TRAPPC9: variants seen among roughly 807,000 people sequenced by gnomAD.
TRAPPC9 encodes the protein trafficking protein particle complex subunit 9.
A neutral mutation model predicts 124.0 loss-of-function variants in TRAPPC9; 83 were observed. The observed-to-expected ratio is 0.67, with a 90% CI of 0.56 to 0.80. The LOEUF is 0.80. Among genes scored for constraint, TRAPPC9 ranks in the 30% least tolerant of loss-of-function variants. TRAPPC9 has a pLI of 0.00. For synonymous variants in TRAPPC9, 638 were observed against 617.5 expected (o/e 1.03, Z -0.49); for missense variants, 1,302 against 1,508.3 (o/e 0.86, Z 2.27).
chr8:140,197,065 T>C (rs1214127488), intron 17 of TRAPPC9, among the ~76,000 whole-genome samples: 3 of 152,174 alleles, frequency 2.0e-5, no homozygotes, highest in African/African-American at 7.2e-5. Flanking sequence ...GAGTGCATCA[T>C]AGATGAATGC....
At chr8:139,769,942 G>T (rs1187434745) in intron 21 of TRAPPC9, among the ~76,000 whole-genome samples, 1 of 152,214 alleles carries the variant, frequency 6.6e-6, no homozygotes, top group Non-Finnish European at 1.5e-5. Context: ...TGACACTTGT[G>T]ACCCTAGCTC....
chr8:140,275,968 T>C, intron 14 of TRAPPC9, 147 bp from the exon 15 acceptor site: 1 of 674,714 alleles, frequency 1.5e-6, no homozygotes, highest in Non-Finnish European at 2.6e-6. Context: ...TGGAGTTCAG[T>C]ATCCAGCTCT....
In TRAPPC9 at chr8:139,729,907, C is replaced by G. The variant is rs1171824038; in HGVS notation, c.*1154G>C. On this transcript the variant is annotated 3_prime_UTR_variant, in exon 23 of 23. Transcript: ENST00000438773. The stretch of plus-strand genomic sequence containing the variant: ...GACGAGCCTGGTATCTGCTGGGGAC[C>G]AAGGGCTGTTTATCCTCCCTGGGAC... 1.3e-5 allele frequency among the ~76,000 whole-genome samples: 2 copies of G among 152,172 alleles called. No individual in the cohort carries two copies. The highest frequency in any genetic ancestry group is 4.8e-5 in the African/African-American group (2 of 41,450).
intron 15 of TRAPPC9, among the ~76,000 whole-genome samples, chr8:140,253,546 C>CG: frequency 6.6e-6 from 1 of 152,154 alleles, no homozygotes; most frequent in African/African-American, 2.4e-5. Flanking sequence ...AGTGTGGCAG[C>CG]GCGCCTCTGT....
chr8:139,861,720 C>T (rs1185097148), intron 21 of TRAPPC9, among the ~76,000 whole-genome samples: 1 of 152,058 alleles, frequency 6.6e-6, no homozygotes, highest in African/African-American at 2.4e-5. Context: ...GCTATGGAGC[C>T]CACAAATCGA....
In TRAPPC9 at chr8:140,374,712, G is replaced by C. The variant is rs145037707; in HGVS notation, c.1135-3532C>G. ...TGATCAAAGATGTTGGGGCAGAGAAGGGGGCAGAGAAGACGAATACTGATC... is the reference window on the plus strand; with the variant it reads ...TGATCAAAGATGTTGGGGCAGAGAACGGGGCAGAGAAGACGAATACTGATC... On this transcript the variant is annotated intron_variant, in intron 7 of 22. Coordinates refer to ENST00000438773, the MANE Select transcript of TRAPPC9 (RefSeq NM_001160372.4). Among the ~76,000 whole-genome samples, 4 of 152,238 alleles carry C rather than the reference G, an allele frequency of 2.6e-5. No individual in the cohort carries two copies. The East Asian group carries it at 7.7e-4, about 29-fold the overall frequency.
At chr8:140,033,667 T>G (rs967534155) in intron 17 of TRAPPC9, among the ~76,000 whole-genome samples, 5 of 68,516 alleles carry the variant, frequency 7.3e-5, no homozygotes, top group Non-Finnish European at 1.0e-4. Context: ...GGTTTTTTTT[T>G]TTTTTTTTTT....
At chr8:140,000,126 T>C (rs924747185) in intron 18 of TRAPPC9, among the ~76,000 whole-genome samples, 1 of 152,164 alleles carries the variant, frequency 6.6e-6, no homozygotes, top group Non-Finnish European at 1.5e-5. Context: ...AAACAAGCAA[T>C]GGTAAAAGGA....
At chr8:140,394,297 T>C (rs888559435) in intron 7 of TRAPPC9, among the ~76,000 whole-genome samples, 1 of 152,090 alleles carries the variant, frequency 6.6e-6, no homozygotes, top group African/African-American at 2.4e-5. Flanking sequence ...AAAAGCACAG[T>C]CCACCCTCCA....
intron 17 of TRAPPC9, among the ~76,000 whole-genome samples, chr8:140,071,272 G>T (rs6986792): frequency 0.11 from 16,027 of 152,190 alleles, 1,190 homozygotes; most frequent in African/African-American, 0.21. Flanking sequence ...ACTGCTGGAG[G>T]CCAGGAACCT....
chr8:140,326,438 C>T (rs562150249), intron 9 of TRAPPC9, among the ~76,000 whole-genome samples: 5 of 152,154 alleles, frequency 3.3e-5, no homozygotes, highest in South Asian at 4.2e-4. Context: ...TGCTTTACAT[C>T]CCCCCACCAT....
At chr8:139,932,826 C>CA (rs1833273169) in intron 19 of TRAPPC9, 2 of 314,948 alleles carry the variant, frequency 6.4e-6, no homozygotes, top group Non-Finnish European at 1.2e-5. Flanking sequence ...CTCTCGTTGA[C>CA]ATGTAATGTA....
chr8:139,946,397 G>A lies in TRAPPC9; in HGVS notation c.2811-36097C>T, dbSNP rs182557581. Among the ~76,000 whole-genome samples the A allele has an allele frequency of 1.7e-4, 26 of 152,290 alleles. No individual in the cohort carries two copies. The South Asian group carries it at 4.4e-3, about 25-fold the overall frequency. On this transcript the variant is annotated intron_variant, in intron 19 of 22. Coordinates refer to ENST00000438773, the MANE Select transcript of TRAPPC9 (RefSeq NM_001160372.4). ...ATGGCCAGGTGTGTTAGAAGCCCTC[G>A]TCAATGGCTGGTATATAGCAGGCGC...
chr8:140,372,042 G>C (rs2068297339), intron 7 of TRAPPC9, among the ~76,000 whole-genome samples: 1 of 152,188 alleles, frequency 6.6e-6, no homozygotes, highest in Non-Finnish European at 1.5e-5. Flanking sequence ...TATGGCAGCA[G>C]ACTTAACGTA....
intron 19 of TRAPPC9, among the ~76,000 whole-genome samples, chr8:139,942,455 A>C (rs1046805288): frequency 2.6e-5 from 4 of 152,160 alleles, no homozygotes; most frequent in African/African-American, 9.7e-5. Flanking sequence ...TTTGAGAAAA[A>C]CCATTCTCAA....
chr8:140,377,417 G>A (rs1465482877), intron 7 of TRAPPC9, among the ~76,000 whole-genome samples: 1 of 152,044 alleles, frequency 6.6e-6, no homozygotes, highest in Admixed American at 6.5e-5. Flanking sequence ...TCCCGCCTCA[G>A]CCTCCTCAGG....
chr8:140,180,225 C>A (rs1226861579), intron 17 of TRAPPC9, among the ~76,000 whole-genome samples: 12 of 151,488 alleles, frequency 7.9e-5, no homozygotes, highest in African/African-American at 2.4e-4. Context: ...ACTTTGTATT[C>A]TTTTGTTTTG....
At chr8:140,145,408 T>C (rs2061447163) in intron 17 of TRAPPC9, among the ~76,000 whole-genome samples, 1 of 152,104 alleles carries the variant, frequency 6.6e-6, no homozygotes. Context: ...ACATTAAGTA[T>C]GTTTCCTAGA....
chr8:139,925,080 A>T (rs1832726825), intron 19 of TRAPPC9, among the ~76,000 whole-genome samples: 1 of 152,202 alleles, frequency 6.6e-6, no homozygotes, highest in African/African-American at 2.4e-5. Flanking sequence ...CCCGAAAAGC[A>T]CACAAAAACA....
Sources: allele counts gnomAD v4.1 joint callset (sites outside exome capture counted in the v4.1 genomes callset), GRCh38; gene constraint gnomAD v4.1.1; transcripts MANE v1.5; gene names NCBI Gene and HGNC (gene_info 2026-07-23, HGNC 2026-07-21).